CLN3: variants seen among roughly 807,000 people sequenced by gnomAD.
CLN3 encodes battenin.
Under a neutral mutation model 60.7 loss-of-function variants are expected in CLN3, and 49 were observed. That is an observed-to-expected ratio of 0.81 (90% CI 0.64 to 1.02). CLN3 has a LOEUF of 1.02. CLN3 is among the 50% of genes least tolerant of loss of function. The pLI, the probability that CLN3 is intolerant of heterozygous loss-of-function variation, is 0.00. For missense variants in CLN3, 516 were observed against 557.4 expected (o/e 0.93, Z 0.75); for synonymous variants, 256 against 245.8 (o/e 1.04, Z -0.39).
chr16:28,473,567 C>G (rs181773074), downstream of CLN3, among the ~76,000 whole-genome samples: 4 of 152,176 alleles, frequency 2.6e-5, no homozygotes, highest in African/African-American at 7.2e-5. Flanking sequence ...AGCAACCAAA[C>G]AAAAAATAGA....
At chr16:28,482,779 C>A in intron 10 of CLN3, 107 bp from the exon 11 acceptor site, 1 of 1,171,586 alleles carries the variant, frequency 8.5e-7, no homozygotes, top group South Asian at 1.3e-5. Flanking sequence ...AGTGGGAACT[C>A]ACTTCCATGC....
At chr16:28,487,640 C>T (rs1211858994) in intron 6 of CLN3, 22 bp downstream of exon 6, 1 of 1,609,864 alleles carries the variant, frequency 6.2e-7, no homozygotes, top group Admixed American at 1.7e-5. Flanking sequence ...CCCACCCTGC[C>T]TCCCACTACC....
Position 28,477,874 on chromosome 16 carries a change from G to C in CLN3, c.1060C>G (p.Leu354Val). 6.2e-7 allele frequency: 1 copy of C among 1,613,962 alleles called. No homozygotes were observed. Among genetic ancestry groups the C allele is most frequent in the Non-Finnish European group, 8.5e-7 (1 of 1,180,020 alleles). The change falls in exon 15 of 16, where the codon CTC becomes GTC. Residue 354 changes from leucine (L) to valine (V), a missense_variant. By Grantham distance (32) the Leu-to-Val change is conservative (BLOSUM62 1). Transcript: ENST00000636147. ...FTWALALLQC[L>V]NLVFLLADVW... ...TCTGCCAGCAGGAACACCAGGTTGA[G>C]GCACTGTGAACAGGGGGAGAGGCTA... is the stretch of plus-strand genomic sequence containing the variant.
In CLN3 at chr16:28,477,368, GA is replaced by G. The variant is rs2046009402; in HGVS notation, c.*147del. The stretch of plus-strand genomic sequence containing the variant: ...GACAATGGCTGGCCCCCCTGCAAGG[GA>G]AACAAGGCTTCAGCCCTTCCCTACT... On this transcript the variant is annotated 3_prime_UTR_variant, in exon 16 of 16. Transcript: ENST00000636147. 3 of 1,065,430 alleles carry G rather than the reference GA, an allele frequency of 2.8e-6. No homozygotes were observed. The highest frequency in any genetic ancestry group is 3.9e-5 in the Admixed American group (2 of 50,896). The allele number at this position is 1,065,430 out of a possible 1,614,324, so 66.0% of individuals were successfully genotyped here. A position where few individuals can be genotyped will look rare whatever the true frequency, so the allele number is the denominator to read the frequency against.
downstream of CLN3, among the ~76,000 whole-genome samples, chr16:28,472,859 G>C (rs540109295): frequency 4.0e-5 from 6 of 148,740 alleles, no homozygotes; most frequent in East Asian, 8.0e-4. Flanking sequence ...GGATGGTCTC[G>C]ATCTCCTGAC....
chr16:28,482,554 G>T lies in CLN3; in HGVS notation c.838-9C>A, dbSNP rs1157303314. 2 of 1,614,170 alleles carry T rather than the reference G, an allele frequency of 1.2e-6. No individual in the cohort carries two copies. Among genetic ancestry groups the T allele is most frequent in the South Asian group, 2.2e-5 (2 of 91,084 alleles). ...ATGTACCACAGCAGACCCTGGAAAA[G>T]GCAGAAGATATAAGCGGGGGGCCTG... On this transcript the variant is annotated splice_polypyrimidine_tract_variant and intron_variant, in intron 11 of 15. Coordinates refer to ENST00000636147, the MANE Select transcript of CLN3 (RefSeq NM_001042432.2).
intron 10 of CLN3, among the ~76,000 whole-genome samples, chr16:28,483,184 G>A (rs913523929): frequency 3.3e-5 from 5 of 152,048 alleles, no homozygotes; most frequent in Admixed American, 2.0e-4. Flanking sequence ...GAAAATAAAA[G>A]CTAACCAGGT....
In CLN3 at chr16:28,477,472, C is replaced by T; in HGVS notation, c.*44G>A. Reference sequence around the variant, plus strand: ...GGGCCTGGGTGTCTGACCTGTCCCTCTGCCCACAGGTGAATGTGACCTGCG... The same window carrying T: ...GGGCCTGGGTGTCTGACCTGTCCCTTTGCCCACAGGTGAATGTGACCTGCG... On this transcript the variant is annotated 3_prime_UTR_variant, in exon 16 of 16. Coordinates refer to ENST00000636147, the MANE Select transcript of CLN3 (RefSeq NM_001042432.2). 6.2e-7 allele frequency: 1 copy of T among 1,611,430 alleles called. No individual in the cohort carries two copies. The highest frequency in any genetic ancestry group is 8.5e-7 in the Non-Finnish European group (1 of 1,179,854).
downstream of CLN3, among the ~76,000 whole-genome samples, chr16:28,472,424 G>T (rs533241200): frequency 6.6e-6 from 1 of 152,252 alleles, no homozygotes; most frequent in Non-Finnish European, 1.5e-5. Context: ...AAAGTTAGCA[G>T]TTAGGGTCTA....
downstream of CLN3, among the ~76,000 whole-genome samples, chr16:28,470,733 G>C (rs1449766457): frequency 4.0e-5 from 6 of 150,904 alleles, no homozygotes; most frequent in South Asian, 2.1e-4. Context: ...AAGAAGAAAG[G>C]GGTCTGGGAA....
chr16:28,486,567 C>T lies in CLN3; in HGVS notation c.533+11G>A, dbSNP rs1283171443. On this transcript the variant is annotated intron_variant, in intron 8 of 15. Coordinates refer to ENST00000636147, the MANE Select transcript of CLN3 (RefSeq NM_001042432.2). ...CAGCCTCTCCCCACACTCCCTGCTC[C>T]ACCTGCTTACCTGGGGTAGAAGGCA... The T allele has an allele frequency of 1.2e-6, 2 of 1,609,678 alleles. No individual in the cohort carries two copies. Among genetic ancestry groups the T allele is most frequent in the Non-Finnish European group, 8.5e-7 (1 of 1,178,088 alleles).
intron 3 of CLN3, among the ~76,000 whole-genome samples, chr16:28,490,692 G>A (rs894965451): frequency 3.3e-5 from 5 of 150,020 alleles, no homozygotes; most frequent in South Asian, 4.2e-4. Context: ...CCTGGGAGGC[G>A]GAGTTTGCAG....
At chr16:28,479,148 T>C (rs1474349686) in intron 14 of CLN3, among the ~76,000 whole-genome samples, 2 of 152,184 alleles carry the variant, frequency 1.3e-5, no homozygotes, top group Non-Finnish European at 2.9e-5. Context: ...TCTTGTGCAG[T>C]GTGTAGGCCT....
intron 4 of CLN3, among the ~76,000 whole-genome samples, chr16:28,488,958 G>A (rs977304218): frequency 6.6e-6 from 1 of 152,218 alleles, no homozygotes; most frequent in Non-Finnish European, 1.5e-5. Context: ...CTAGAGTGCA[G>A]TGGTGTGATC....
chr16:28,489,319 G>T lies in CLN3; in HGVS notation c.193C>A (p.His65Asn). The change falls in exon 4 of 16, where the codon CAC becomes AAC. Residue 65 changes from histidine to asparagine, a missense_variant. Transcript: ENST00000636147. ...CTCTGGTTTCCCGATGTCCTCTTGT[G>T]GCTAAGGATGTCGTGGGCGGCACTC... ...MLSAAHDILS[H>N]KRTSGNQSHV... 1 of 1,613,474 alleles carries T rather than the reference G, an allele frequency of 6.2e-7. No individual in the cohort carries two copies. The highest frequency in any genetic ancestry group is 1.1e-5 in the South Asian group (1 of 90,892).
chr16:28,481,263 C>T (rs1260440100), intron 14 of CLN3, among the ~76,000 whole-genome samples: 4 of 152,064 alleles, frequency 2.6e-5, no homozygotes, highest in African/African-American at 7.2e-5. Context: ...GTGTGCGCCA[C>T]TGCACCTGGC....
At chr16:28,470,710 G>T (rs2045944044), downstream of CLN3, among the ~76,000 whole-genome samples, 1 of 150,746 alleles carries the variant, frequency 6.6e-6, no homozygotes, top group South Asian at 2.1e-4. Context: ...ACCTGGAGGA[G>T]GTGGAGGAGG....
chr16:28,482,062 G>A, intron 14 of CLN3, 43 bp downstream of exon 14: 3 of 1,497,580 alleles, frequency 2.0e-6, no homozygotes, highest in South Asian at 1.2e-5. Flanking sequence ...GAGCCAAGCT[G>A]GGAGCCAAGG....
chr16:28,479,688 G>T lies in CLN3; in HGVS notation c.1057-1811C>A, dbSNP rs1289426635. The T allele has an allele frequency of 1.7e-5, 3 of 181,520 alleles. No homozygotes were observed. In the East Asian group the frequency reaches 5.2e-4, roughly 32 times the overall value. The allele number at this position is 181,520 out of a possible 1,614,324, so 11.2% of individuals were successfully genotyped here. On this transcript the variant is annotated intron_variant, in intron 14 of 15. Transcript: ENST00000636147. ...GAAGGCTGAGGCTTGAGAATCGCTTGAATCTGGGAGGCAGGGGTTGCAGTG... is the reference window on the plus strand; with the variant it reads ...GAAGGCTGAGGCTTGAGAATCGCTTTAATCTGGGAGGCAGGGGTTGCAGTG...
Sources: gnomAD v4.1 joint callset for allele counts (sites outside exome capture counted in the v4.1 genomes callset) on GRCh38, gnomAD v4.1.1 for gene constraint, MANE v1.5 for transcripts, NCBI Gene and HGNC (gene_info 2026-07-23, HGNC 2026-07-21) for gene names.